The following KALRN variants were observed in gnomAD, a reference collection of about 807,000 sequenced individuals.
The protein encoded by KALRN is kalirin RhoGEF kinase.
Under a neutral mutation model 353.7 loss-of-function variants are expected in KALRN, and 70 were observed. That is an observed-to-expected ratio of 0.20 (90% CI 0.16 to 0.24). KALRN has a LOEUF of 0.24. KALRN is among the 10% of genes least tolerant of loss of function. The pLI is 1.00. For missense variants in KALRN, 2,791 were observed against 3,756.7 expected, an observed-to-expected ratio of 0.74 and a Z score of 6.72; for synonymous variants, 1,391 against 1,434.8, an observed-to-expected ratio of 0.97 and a Z score of 0.69.
At chr3:124,086,106 G>A (rs1042115740) in intron 1 of KALRN, among the ~76,000 whole-genome samples, 1 of 151,990 alleles carries the variant, frequency 6.6e-6, no homozygotes, top group Non-Finnish European at 1.5e-5. Flanking sequence ...CTTATTGTGG[G>A]ACATTTAGGT....
At chr3:124,198,072 A>T (rs1373424088) in intron 1 of KALRN, among the ~76,000 whole-genome samples, 1 of 152,182 alleles carries the variant, frequency 6.6e-6, no homozygotes, top group Non-Finnish European at 1.5e-5. Flanking sequence ...TATAACAATG[A>T]GGTATTACTT....
chr3:124,383,142 C>T (rs959119857), intron 10 of KALRN, among the ~76,000 whole-genome samples: 31 of 152,180 alleles, frequency 2.0e-4, no homozygotes, highest in Admixed American at 3.9e-4. Flanking sequence ...TGGGAAGTTG[C>T]TTTTCAAGCA....
At chr3:124,470,008 G>C (rs1293374442) in intron 25 of KALRN, among the ~76,000 whole-genome samples, 1 of 152,168 alleles carries the variant, frequency 6.6e-6, no homozygotes, top group Non-Finnish European at 1.5e-5. Flanking sequence ...AAAGCTTTCT[G>C]TTAATAAATG....
At chr3:124,577,078 G>C (rs1400983925) in intron 34 of KALRN, among the ~76,000 whole-genome samples, 2 of 152,116 alleles carry the variant, frequency 1.3e-5, no homozygotes, top group Admixed American at 1.3e-4. Flanking sequence ...GTTGCCAGCA[G>C]TTCTTCCTCT....
intron 1 of KALRN, among the ~76,000 whole-genome samples, chr3:124,084,205 G>A (rs1176061584): frequency 1.3e-5 from 2 of 152,224 alleles, no homozygotes; most frequent in African/African-American, 4.8e-5. Flanking sequence ...GGCCCCGAGG[G>A]AGTAGGCCTG....
intron 6 of KALRN, among the ~76,000 whole-genome samples, chr3:124,308,825 A>C (rs1431445149): frequency 6.6e-6 from 1 of 151,894 alleles, no homozygotes; most frequent in Non-Finnish European, 1.5e-5. Context: ...TTAGAGTAGA[A>C]ATTAACTAGA....
intron 6 of KALRN, among the ~76,000 whole-genome samples, chr3:124,315,547 C>T (rs142185442): frequency 1.7e-3 from 258 of 152,158 alleles, no homozygotes; most frequent in Non-Finnish European, 2.9e-3. Context: ...GATCCTGGGA[C>T]CTTCTTTTCT....
At chr3:124,598,699 G>T (rs1028337198) in intron 34 of KALRN, among the ~76,000 whole-genome samples, 14 of 151,936 alleles carry the variant, frequency 9.2e-5, no homozygotes, top group South Asian at 4.2e-4. Flanking sequence ...TTTGAGACAG[G>T]TGACATTTGC....
At chr3:124,105,154 A>C (rs1260211846) in intron 1 of KALRN, among the ~76,000 whole-genome samples, 2 of 152,246 alleles carry the variant, frequency 1.3e-5, no homozygotes, top group East Asian at 3.8e-4. Flanking sequence ...AGATAATGTC[A>C]GAGAAAGCAA....
chr3:124,381,883 T>C (rs772627718), intron 10 of KALRN, among the ~76,000 whole-genome samples: 2 of 152,142 alleles, frequency 1.3e-5, no homozygotes, highest in Admixed American at 1.3e-4. Flanking sequence ...TGATGATGGC[T>C]GTGGGGTGGG....
intron 33 of KALRN, among the ~76,000 whole-genome samples, chr3:124,496,844 C>G: frequency 6.6e-6 from 1 of 152,098 alleles, no homozygotes; most frequent in East Asian, 1.9e-4. Flanking sequence ...GAGCTCATCT[C>G]AAAGTTAGAC....
At chr3:124,252,168 C>T (rs976680613) in intron 3 of KALRN, among the ~76,000 whole-genome samples, 6 of 152,122 alleles carry the variant, frequency 3.9e-5, no homozygotes, top group African/African-American at 1.4e-4. Flanking sequence ...TGGTACTTAA[C>T]CATGGCTGCA....
intron 3 of KALRN, among the ~76,000 whole-genome samples, chr3:124,249,413 G>A (rs1021445732): frequency 1.3e-5 from 2 of 152,204 alleles, no homozygotes; most frequent in African/African-American, 4.8e-5. Context: ...GGAAATAGAT[G>A]AATTGGAATT....
At position 124,113,306 on chromosome 3, in the gene KALRN, A is replaced by G. The variant is rs540873611; in HGVS notation, c.73+79493A>G. Among the ~76,000 whole-genome samples, 813 of 152,314 alleles carry G rather than the reference A, an allele frequency of 5.3e-3. 2 individuals carry two copies. Among genetic ancestry groups the G allele is most frequent in the Non-Finnish European group, 8.6e-3 (588 of 68,020 alleles). On this transcript the variant is annotated intron_variant, in intron 1 of 59. Transcript: ENST00000682506. ...GTGATGTTACGCATGTTAAAGGCTC[A>G]ATAAGTGTTAGTTATTAATTCTTAA...
At chr3:124,271,052 C>A (rs185492670) in intron 5 of KALRN, among the ~76,000 whole-genome samples, 2 of 152,016 alleles carry the variant, frequency 1.3e-5, no homozygotes, top group Non-Finnish European at 2.9e-5. Flanking sequence ...AGGATGGTCT[C>A]GATCTCCTGA....
chr3:124,042,426 G>A (rs1404058670), intron 1 of KALRN, among the ~76,000 whole-genome samples: 1 of 152,206 alleles, frequency 6.6e-6, no homozygotes, highest in Admixed American at 6.5e-5. Context: ...AGGGTCCATT[G>A]GAGTAGGGGA....
chr3:124,364,531 G>A (rs1337430860), intron 10 of KALRN, among the ~76,000 whole-genome samples: 1 of 152,218 alleles, frequency 6.6e-6, no homozygotes, highest in Admixed American at 6.5e-5. Context: ...ACATGTTCCT[G>A]CTTTGAAAGT....
intron 29 of KALRN, among the ~76,000 whole-genome samples, chr3:124,489,284 G>A (rs2062885739): frequency 6.6e-6 from 1 of 152,120 alleles, no homozygotes; most frequent in African/African-American, 2.4e-5. Flanking sequence ...TCCAGCCTGG[G>A]CGATAGAGCA....
chr3:124,658,644 G>A (rs2084408709), intron 42 of KALRN, 127 bp downstream of exon 42: 2 of 721,220 alleles, frequency 2.8e-6, no homozygotes, highest in East Asian at 5.3e-5. Context: ...CCCATTCATG[G>A]CAGGAATAGC....
Sources: gnomAD v4.1 joint callset for allele counts (sites outside exome capture counted in the v4.1 genomes callset) on GRCh38, gnomAD v4.1.1 for gene constraint, MANE v1.5 for transcripts, NCBI Gene and HGNC (gene_info 2026-07-23, HGNC 2026-07-21) for gene names.